The following LHPP variants were observed in gnomAD, a reference collection of about 807,000 sequenced individuals.
LHPP encodes the protein hLHPP.
In LHPP, 24 loss-of-function variants were observed where a neutral mutation model predicts 30.3. That is an observed-to-expected ratio of 0.79 (90% CI 0.57 to 1.11). The LOEUF is 1.11. Ranked by LOEUF, LHPP falls within the 50% of genes most tolerant of loss-of-function variation. LHPP has a pLI of 0.00. For synonymous variants in LHPP, 150 were observed against 157.1 expected, an observed-to-expected ratio of 0.95 and a Z score of 0.34; for missense variants, 356 against 367.2, an observed-to-expected ratio of 0.97 and a Z score of 0.25.
At chr10:124,578,746 T>G (rs947389336) in intron 6 of LHPP, among the ~76,000 whole-genome samples, 1 of 152,204 alleles carries the variant, frequency 6.6e-6, no homozygotes, top group Non-Finnish European at 1.5e-5. Flanking sequence ...CTGAGCAGCA[T>G]CTCTGCCCTC....
Position 124,496,953 on chromosome 10 carries a change from T to A in LHPP, c.468-8T>A, listed in dbSNP as rs1373958963. ...CAGCATCCCGTGCTCCGTTCTGCTC[T>A]CTCCTAGGCGTTACTACAAGGAGAC... On this transcript the variant is annotated splice_polypyrimidine_tract_variant and splice_region_variant and intron_variant, in intron 3 of 6. Transcript: ENST00000368842. This position sits in a 1 kb window ranked among gnomAD's most constrained non-coding sequence, Gnocchi z 4.3. 5 of 1,612,376 alleles carry A rather than the reference T, an allele frequency of 3.1e-6. No homozygotes were observed. In the South Asian group the frequency reaches 3.3e-5, roughly 11 times the overall value.
intron 6 of LHPP, among the ~76,000 whole-genome samples, chr10:124,595,055 T>C (rs1377476508): frequency 6.6e-6 from 1 of 152,236 alleles, no homozygotes; most frequent in Non-Finnish European, 1.5e-5. Context: ...ATTAGCAGCA[T>C]GAAAACAGAC....
intron 3 of LHPP, among the ~76,000 whole-genome samples, chr10:124,492,806 A>C (rs1283657290): frequency 1.3e-5 from 2 of 152,334 alleles, no homozygotes; most frequent in East Asian, 3.9e-4. Context: ...CTGACCCATT[A>C]GGCCTTTGAG....
At position 124,488,586 on chromosome 10, in the gene LHPP, T is replaced by G. The variant is rs753021055; in HGVS notation, c.467+11T>G. Reference sequence around the variant, plus strand: ...ATCACTGGGAAAAGGGTAAGTTGGCTCCAGGGAGAGTCATTTCTCGGTGCT... The same window carrying G: ...ATCACTGGGAAAAGGGTAAGTTGGCGCCAGGGAGAGTCATTTCTCGGTGCT... On this transcript the variant is annotated intron_variant, in intron 3 of 6. Transcript: ENST00000368842. The G allele has an allele frequency of 6.2e-7, 1 of 1,600,818 alleles. No homozygotes were observed. The highest frequency in any genetic ancestry group is 2.3e-5 in the East Asian group (1 of 44,236).
intron 5 of LHPP, among the ~76,000 whole-genome samples, chr10:124,505,124 G>T (rs1206438828): frequency 6.6e-6 from 1 of 152,096 alleles, no homozygotes; most frequent in African/African-American, 2.4e-5. Context: ...CCTTGACAGT[G>T]GAGTAGCAGC....
At chr10:124,611,793 C>T (rs925287068) in intron 6 of LHPP, among the ~76,000 whole-genome samples, 5 of 152,094 alleles carry the variant, frequency 3.3e-5, no homozygotes, top group South Asian at 2.1e-4. Flanking sequence ...AGGGCCAACA[C>T]GGCTTTTAGA....
intron 3 of LHPP, among the ~76,000 whole-genome samples, chr10:124,493,043 A>G (rs1243059292): frequency 6.6e-6 from 1 of 152,060 alleles, no homozygotes; most frequent in Non-Finnish European, 1.5e-5. Flanking sequence ...AAAGAAAAAA[A>G]GTTGTCTCAT....
At chr10:124,610,434 CTGATGCAGCGGGTGAGGGTGAGGGTGA>C in intron 6 of LHPP, among the ~76,000 whole-genome samples, 1 of 62,402 alleles carries the variant, frequency 1.6e-5, no homozygotes, top group Admixed American at 1.7e-4. Context: ...GGTGAGGGTG[CTGATGCAGCGGGTGAGGGTGAGGGTGA>C]GGGTGAGGGT....
chr10:124,605,995 C>T (rs1350424925), intron 6 of LHPP, among the ~76,000 whole-genome samples: 1 of 152,246 alleles, frequency 6.6e-6, no homozygotes, highest in African/African-American at 2.4e-5. Context: ...CTTCTACCTC[C>T]GAAACCCGGG....
Position 124,548,299 on chromosome 10 carries a change from G to A in LHPP, c.716+31028G>A, listed in dbSNP as rs140803812. 3.6e-3 allele frequency among the ~76,000 whole-genome samples: 549 copies of A among 152,188 alleles called. 5 individuals carry two copies. The highest frequency in any genetic ancestry group is 0.012 in the African/African-American group (506 of 41,520). On this transcript the variant is annotated intron_variant, in intron 6 of 6. Coordinates refer to ENST00000368842, the MANE Select transcript of LHPP (RefSeq NM_022126.4). ...TCTGGTTCTTCACCTTCAGGCTCCC[G>A]CATGAGCTGGGTGGTTGGTGTTAAC...
At chr10:124,563,329 G>A (rs55902503) in intron 6 of LHPP, among the ~76,000 whole-genome samples, 88,478 of 130,034 alleles carry the variant, frequency 0.68, 28,063 homozygotes, top group Middle Eastern at 0.73. Context: ...TTTTTTTTTT[G>A]CATAAAATCC....
In LHPP at chr10:124,483,044, G is replaced by A. The variant is rs544786122; in HGVS notation, c.126-1095G>A. Among the ~76,000 whole-genome samples the A allele has an allele frequency of 8.5e-5, 13 of 152,310 alleles. No homozygotes were observed. In the South Asian group the frequency reaches 1.0e-3, roughly 12 times the overall value. On this transcript the variant is annotated intron_variant, in intron 1 of 6. Transcript: ENST00000368842. Reference sequence around the variant, plus strand: ...GGGTGGATGTTACTTCATTTGGTGCGTTCTGAGAACTTGCCCAGGTGCAGC... The same window carrying A: ...GGGTGGATGTTACTTCATTTGGTGCATTCTGAGAACTTGCCCAGGTGCAGC...
chr10:124,471,544 TTTTATATATA>T lies in LHPP; in HGVS notation c.125+9569_125+9578del, dbSNP rs1375277866. ...ATATATTTATATATATTTATATATATTTTATATATATTTATATATATATAAATTTTTTTAT... is the reference window on the plus strand; with the variant it reads ...ATATATTTATATATATTTATATATATTTTATATATATATAAATTTTTTTAT... On this transcript the variant is annotated intron_variant, in intron 1 of 6. Transcript: ENST00000368842. Among the ~76,000 whole-genome samples the T allele has an allele frequency of 3.3e-4, 15 of 45,336 alleles. 2 individuals carry two copies. Among genetic ancestry groups the T allele is most frequent in the Non-Finnish European group, 5.6e-4 (13 of 23,274 alleles). The allele number at this position is 45,336 out of a possible 152,430, so 29.7% of individuals were successfully genotyped here.
chr10:124,568,432 G>C (rs534684379), intron 6 of LHPP, among the ~76,000 whole-genome samples: 1 of 152,288 alleles, frequency 6.6e-6, no homozygotes, highest in East Asian at 1.9e-4. Flanking sequence ...GGACAGTTTT[G>C]TTCGCTCCTT....
At chr10:124,544,588 C>T (rs1214169099) in intron 6 of LHPP, among the ~76,000 whole-genome samples, 2 of 152,232 alleles carry the variant, frequency 1.3e-5, no homozygotes, top group Admixed American at 6.5e-5. Flanking sequence ...CCAACAGTCT[C>T]ACCCTGCAGG....
chr10:124,608,781 T>TC (rs1165111006), intron 6 of LHPP, among the ~76,000 whole-genome samples: 2 of 152,340 alleles, frequency 1.3e-5, no homozygotes, highest in African/African-American at 4.8e-5. Context: ...GAGAAGCCTG[T>TC]CATCTGTCCT....
At chr10:124,572,317 T>G (rs1564836781) in intron 6 of LHPP, among the ~76,000 whole-genome samples, 1 of 151,866 alleles carries the variant, frequency 6.6e-6, no homozygotes, top group Non-Finnish European at 1.5e-5. Flanking sequence ...CCGAGAAGTG[T>G]ACATGCTGCA....
At chr10:124,474,132 C>CTT (rs544464876) in intron 1 of LHPP, among the ~76,000 whole-genome samples, 2,154 of 71,722 alleles carry the variant, frequency 0.03, 25 homozygotes, top group Middle Eastern at 0.038. Flanking sequence ...TTGCTTTGCC[C>CTT]TTTTTTTTTT....
intron 6 of LHPP, among the ~76,000 whole-genome samples, chr10:124,606,853 C>T (rs1009869236): frequency 9.2e-5 from 14 of 152,234 alleles, no homozygotes; most frequent in African/African-American, 3.4e-4. Flanking sequence ...TGGGGGCAGC[C>T]CCAGCCCTTC....
Sources: allele counts gnomAD v4.1 joint callset (sites outside exome capture counted in the v4.1 genomes callset), GRCh38; gene constraint gnomAD v4.1.1; non-coding constraint Gnocchi (gnomAD v3.1); transcripts MANE v1.5; gene names NCBI Gene and HGNC (gene_info 2026-07-23, HGNC 2026-07-21).